EFNA5: variants seen among roughly 807,000 people sequenced by gnomAD.
EFNA5 encodes ephrin A5, also known as ephrin-A5.
Under a neutral mutation model 22.9 loss-of-function variants are expected in EFNA5, and 5 were observed. The ratio of observed to expected loss-of-function variants is 0.22; its 90% CI spans 0.11 to 0.46. EFNA5 has a LOEUF of 0.46. Among genes scored for constraint, EFNA5 ranks in the 20% least tolerant of loss-of-function variants. EFNA5 has a pLI of 0.99. For synonymous variants in EFNA5, 113 were observed against 112.2 expected (o/e 1.01, Z -0.04); for missense variants, 237 against 293.3 (o/e 0.81, Z 1.40).
intron 1 of EFNA5, among the ~76,000 whole-genome samples, chr5:107,590,463 C>A (rs1749296146): frequency 6.6e-6 from 1 of 151,926 alleles, no homozygotes; most frequent in Admixed American, 6.6e-5. Context: ...GGTCACAGCT[C>A]ACTCAGCCTC....
intron 1 of EFNA5, among the ~76,000 whole-genome samples, chr5:107,667,681 A>T (rs1751105860): frequency 6.6e-6 from 1 of 152,184 alleles, no homozygotes; most frequent in South Asian, 2.1e-4. Context: ...TCTGAGGGAA[A>T]AATAAAAAAA....
intron 1 of EFNA5, among the ~76,000 whole-genome samples, chr5:107,580,601 T>C (rs1266325874): frequency 6.6e-6 from 1 of 151,388 alleles, no homozygotes; most frequent in East Asian, 1.9e-4. Context: ...CGGGAGCCTG[T>C]AGTCCCAGCT....
intron 1 of EFNA5, among the ~76,000 whole-genome samples, chr5:107,660,120 TA>T (rs1284135913): frequency 1.3e-5 from 2 of 151,376 alleles, no homozygotes; most frequent in African/African-American, 4.9e-5. Context: ...TTGATAGCTA[TA>T]GTTCCATACA....
intron 4 of EFNA5, among the ~76,000 whole-genome samples, chr5:107,383,981 A>G (rs1320995016): frequency 6.6e-6 from 1 of 152,216 alleles, no homozygotes; most frequent in Non-Finnish European, 1.5e-5. Context: ...TTAGGGCATC[A>G]GGATCCTTCT....
chr5:107,507,621 G>C (rs145367900), intron 1 of EFNA5, among the ~76,000 whole-genome samples: 86 of 152,034 alleles, frequency 5.7e-4, no homozygotes, highest in Non-Finnish European at 1.1e-3. Flanking sequence ...AGGACCGCTT[G>C]AGCTCAGGAG....
At chr5:107,504,024 A>C (rs1580500120) in intron 1 of EFNA5, among the ~76,000 whole-genome samples, 1 of 152,304 alleles carries the variant, frequency 6.6e-6, no homozygotes, top group East Asian at 1.9e-4. Context: ...TGGAAAATTC[A>C]CTTTTATACA....
chr5:107,464,841 C>T (rs1184576163), intron 1 of EFNA5, among the ~76,000 whole-genome samples: 1 of 152,168 alleles, frequency 6.6e-6, no homozygotes, highest in East Asian at 1.9e-4. Flanking sequence ...AAAATAAACA[C>T]CTCAAGTCCA....
intron 1 of EFNA5, among the ~76,000 whole-genome samples, chr5:107,458,120 G>T (rs1488737709): frequency 6.6e-6 from 1 of 152,160 alleles, no homozygotes. Context: ...ACCAGTCAGA[G>T]CTAAATGTAA....
At chr5:107,476,057 T>TATATATATATGTATATATATATATATATA in intron 1 of EFNA5, among the ~76,000 whole-genome samples, 6 of 100,418 alleles carry the variant, frequency 6.0e-5, no homozygotes, top group Admixed American at 1.1e-4. Flanking sequence ...TATATATATA[T>TATATATATATGTATATATATATATATATA]TTTTTTTTTT....
intron 1 of EFNA5, among the ~76,000 whole-genome samples, chr5:107,486,718 C>G (rs549937352): frequency 6.6e-6 from 1 of 152,150 alleles, no homozygotes; most frequent in Non-Finnish European, 1.5e-5. Context: ...ACTGAAGAGG[C>G]CTCTATCATT....
At chr5:107,569,968 T>A (rs895483300) in intron 1 of EFNA5, among the ~76,000 whole-genome samples, 2 of 151,562 alleles carry the variant, frequency 1.3e-5, no homozygotes, top group Admixed American at 6.6e-5. Flanking sequence ...TATCAGAAGA[T>A]CACTGACAGG....
At chr5:107,449,518 C>A (rs774117726) in intron 1 of EFNA5, among the ~76,000 whole-genome samples, 1 of 152,002 alleles carries the variant, frequency 6.6e-6, no homozygotes. Flanking sequence ...TCCCCGCCCC[C>A]CCAACTACAC....
rs759461866 is a variant in EFNA5 at position 107,387,829 on chromosome 5, CT to C, written c.419-59del. 6.3e-5 allele frequency: 76 copies of C among 1,197,070 alleles called. 1 individual carries two copies. Among genetic ancestry groups the C allele is most frequent in the East Asian group, 4.2e-4 (18 of 42,374 alleles). The allele number at this position is 1,197,070 out of a possible 1,614,324, so 74.2% of individuals were successfully genotyped here. A position where few individuals can be genotyped will look rare whatever the true frequency, so the allele number is the denominator to read the frequency against. ...AAGAAGAGAACAACAACATATTACTCTTCATTTTCACATACAAATGATGAAC... is the reference window on the plus strand; with the variant it reads ...AAGAAGAGAACAACAACATATTACTCTCATTTTCACATACAAATGATGAAC... On this transcript the variant is annotated intron_variant, in intron 2 of 4. Transcript: ENST00000333274.
At chr5:107,395,370 A>G (rs566986716) in intron 2 of EFNA5, among the ~76,000 whole-genome samples, 1 of 152,210 alleles carries the variant, frequency 6.6e-6, no homozygotes, top group South Asian at 2.1e-4. Context: ...AAAATTTAAG[A>G]CAGCTTTAAA....
intron 1 of EFNA5, among the ~76,000 whole-genome samples, chr5:107,591,990 A>G (rs1394361824): frequency 5.3e-5 from 2 of 37,728 alleles, no homozygotes; most frequent in Non-Finnish European, 8.7e-5. Context: ...TATAATATAT[A>G]ATATATATAA....
intron 1 of EFNA5, among the ~76,000 whole-genome samples, chr5:107,477,701 T>G (rs1750350626): frequency 6.6e-6 from 1 of 152,204 alleles, no homozygotes. Context: ...TTGACTAACT[T>G]CTACCTGCAC....
At position 107,461,822 on chromosome 5, in the gene EFNA5, A is replaced by T. The variant is rs187460267; in HGVS notation, c.126-34313T>A. The stretch of plus-strand genomic sequence containing the variant: ...ATAGGCATTGAGTAAATTTTTTTTT[A>T]AAAAAAGCATCTGTAATTTATTCAC... On this transcript the variant is annotated intron_variant, in intron 1 of 4. Transcript: ENST00000333274. Among the ~76,000 whole-genome samples, 1,017 of 152,078 alleles carry T rather than the reference A, an allele frequency of 6.7e-3. 11 individuals carry two copies. Among genetic ancestry groups the T allele is most frequent in the African/African-American group, 0.023 (955 of 41,506 alleles).
chr5:107,590,842 T>C (rs1580546643), intron 1 of EFNA5, among the ~76,000 whole-genome samples: 1 of 152,318 alleles, frequency 6.6e-6, no homozygotes, highest in East Asian at 1.9e-4. Flanking sequence ...ACATAACTCC[T>C]TTAGTCATCT....
chr5:107,453,447 C>T (rs1749612286), intron 1 of EFNA5, among the ~76,000 whole-genome samples: 2 of 152,026 alleles, frequency 1.3e-5, no homozygotes, highest in Non-Finnish European at 2.9e-5. Context: ...ATATGCTGAG[C>T]CTATTATATA....
Sources: gnomAD v4.1 joint callset for allele counts (sites outside exome capture counted in the v4.1 genomes callset) on GRCh38, gnomAD v4.1.1 for gene constraint, MANE v1.5 for transcripts, NCBI Gene and HGNC (gene_info 2026-07-23, HGNC 2026-07-21) for gene names.